The following FSTL5 variants were observed in gnomAD, a reference collection of about 807,000 sequenced individuals.
FSTL5 encodes the protein follistatin like 5.
A neutral mutation model predicts 89.1 loss-of-function variants in FSTL5; 62 were observed. The observed-to-expected ratio is 0.70, with a 90% CI of 0.57 to 0.86. The LOEUF is 0.86. FSTL5 is among the 40% of genes least tolerant of loss of function. The probability of loss-of-function intolerance (pLI) is 0.00; values close to 1 mark genes in which losing one functional copy is unlikely to be tolerated. For missense variants in FSTL5, 1,057 were observed against 1,001.6 expected (o/e 1.06, Z -0.75); for synonymous variants, 383 against 346.2 (o/e 1.11, Z -1.18).
At chr4:161,401,596 C>T (rs1363147567) in intron 15 of FSTL5, among the ~76,000 whole-genome samples, 8 of 152,190 alleles carry the variant, frequency 5.3e-5, no homozygotes, top group Non-Finnish European at 5.9e-5. Flanking sequence ...GCGATCTCAG[C>T]TCACTGCAAG....
At chr4:161,893,525 T>G (rs1190259490) in intron 4 of FSTL5, among the ~76,000 whole-genome samples, 1 of 152,180 alleles carries the variant, frequency 6.6e-6, no homozygotes, top group African/African-American at 2.4e-5. Context: ...ACTGGCATTA[T>G]CAGAATGCTT....
chr4:161,703,410 G>C (rs988263581), intron 6 of FSTL5, among the ~76,000 whole-genome samples: 5 of 151,894 alleles, frequency 3.3e-5, no homozygotes, highest in African/African-American at 1.2e-4. Context: ...AAATTTGTTT[G>C]ACCCAAGATT....
At chr4:161,817,728 G>C (rs359139) in intron 4 of FSTL5, among the ~76,000 whole-genome samples, 3,462 of 152,302 alleles carry the variant, frequency 0.023, 89 homozygotes, top group African/African-American at 0.066. Flanking sequence ...GCGTGTGCCT[G>C]TGTGCACACA....
Position 161,618,533 on chromosome 4 carries a change from AG to A in FSTL5, c.895-30959del, listed in dbSNP as rs1339997877. 3.3e-5 allele frequency among the ~76,000 whole-genome samples: 5 copies of A among 150,456 alleles called. No homozygotes were observed. In the Middle Eastern group the frequency reaches 0.01, roughly 307 times the overall value. The stretch of plus-strand genomic sequence containing the variant: ...AATTTATTGAGAGTTTTTAGCATGA[AG>A]GGTTGTTGAATTTTGTCAACGGCCT... On this transcript the variant is annotated intron_variant, in intron 7 of 15. Coordinates refer to ENST00000306100, the MANE Select transcript of FSTL5 (RefSeq NM_020116.5).
chr4:161,638,071 C>G (rs1222519222), intron 7 of FSTL5, among the ~76,000 whole-genome samples: 2 of 151,262 alleles, frequency 1.3e-5, no homozygotes, highest in East Asian at 3.9e-4. Flanking sequence ...GCCATTTTCA[C>G]GATATTGATT....
chr4:161,853,604 GT>G, intron 4 of FSTL5, among the ~76,000 whole-genome samples: 1 of 151,396 alleles, frequency 6.6e-6, no homozygotes, highest in Non-Finnish European at 1.5e-5. Context: ...TTTCCTAAAA[GT>G]TAATCATTTA....
intron 2 of FSTL5, among the ~76,000 whole-genome samples, chr4:162,096,465 T>G (rs1730756722): frequency 6.6e-6 from 1 of 151,722 alleles, no homozygotes; most frequent in African/African-American, 2.4e-5. Context: ...GAGTAGGCAA[T>G]CAAGAGGGCT....
chr4:161,457,866 T>C (rs925753100), intron 14 of FSTL5, among the ~76,000 whole-genome samples: 1 of 152,182 alleles, frequency 6.6e-6, no homozygotes, highest in African/African-American at 2.4e-5. Flanking sequence ...GTGAAGATTG[T>C]GCTTTTTCAA....
At chr4:162,055,028 A>G (rs1256806264) in intron 2 of FSTL5, among the ~76,000 whole-genome samples, 1 of 151,908 alleles carries the variant, frequency 6.6e-6, no homozygotes, top group Non-Finnish European at 1.5e-5. Context: ...TTACTTGATA[A>G]CTAGTTATTG....
At chr4:161,702,530 G>A (rs1738430968) in intron 6 of FSTL5, among the ~76,000 whole-genome samples, 1 of 152,062 alleles carries the variant, frequency 6.6e-6, no homozygotes, top group South Asian at 2.1e-4. Flanking sequence ...AACTCAGAAT[G>A]TTTTTACCAC....
At chr4:161,575,425 T>G (rs1733174665) in intron 8 of FSTL5, among the ~76,000 whole-genome samples, 1 of 152,136 alleles carries the variant, frequency 6.6e-6, no homozygotes, top group African/African-American at 2.4e-5. Context: ...CCCATGCCTA[T>G]GTCTTGAATG....
chr4:161,915,096 G>T (rs1434052590), intron 4 of FSTL5, among the ~76,000 whole-genome samples: 1 of 152,128 alleles, frequency 6.6e-6, no homozygotes, highest in Non-Finnish European at 1.5e-5. Context: ...CCCAGTTCAG[G>T]TTAACTTACT....
chr4:161,785,268 A>G (rs1030746), intron 4 of FSTL5, among the ~76,000 whole-genome samples: 111,560 of 151,996 alleles, frequency 0.73, 40,991 homozygotes, highest in Non-Finnish European at 0.76. Context: ...CTTTACTGTT[A>G]TTTTTTCTGC....
At chr4:161,950,387 T>TA (rs1734859374) in intron 3 of FSTL5, among the ~76,000 whole-genome samples, 1 of 152,148 alleles carries the variant, frequency 6.6e-6, no homozygotes, top group African/African-American at 2.4e-5. Context: ...CCTGAGCAAT[T>TA]ATGCCTTTGA....
At chr4:161,635,359 G>A (rs1735650576) in intron 7 of FSTL5, among the ~76,000 whole-genome samples, 1 of 152,116 alleles carries the variant, frequency 6.6e-6, no homozygotes, top group African/African-American at 2.4e-5. Context: ...CTGTACTCCA[G>A]CCTGGGCGAT....
chr4:161,594,864 C>T (rs747168192), intron 7 of FSTL5, among the ~76,000 whole-genome samples: 17 of 151,376 alleles, frequency 1.1e-4, no homozygotes, highest in African/African-American at 2.2e-4. Context: ...AGTGCTATGC[C>T]GAACAATTTA....
chr4:161,553,451 T>C (rs913470771), intron 8 of FSTL5, among the ~76,000 whole-genome samples: 1 of 151,394 alleles, frequency 6.6e-6, no homozygotes, highest in Non-Finnish European at 1.5e-5. Context: ...TTTTGAGTTT[T>C]AAGATAATAA....
intron 6 of FSTL5, among the ~76,000 whole-genome samples, chr4:161,674,181 TAC>T (rs1311349160): frequency 1.3e-5 from 2 of 152,082 alleles, no homozygotes; most frequent in African/African-American, 4.8e-5. Flanking sequence ...AGCACAGATA[TAC>T]AGATATATAA....
intron 6 of FSTL5, among the ~76,000 whole-genome samples, chr4:161,707,754 T>C (rs972325994): frequency 6.6e-6 from 1 of 151,956 alleles, no homozygotes; most frequent in Admixed American, 6.6e-5. Context: ...AATCATCTTT[T>C]AATGGTGATA....
Sources: allele counts gnomAD v4.1 joint callset (sites outside exome capture counted in the v4.1 genomes callset), GRCh38; gene constraint gnomAD v4.1.1; transcripts MANE v1.5; gene names NCBI Gene and HGNC (gene_info 2026-07-23, HGNC 2026-07-21).